Variants in ATP8B3 observed in about 807,000 individuals in gnomAD.
The protein encoded by ATP8B3 is phospholipid-transporting ATPase IK.
Under a neutral mutation model 140.9 loss-of-function variants are expected in ATP8B3, and 141 were observed. That is an observed-to-expected ratio of 1.00 (90% confidence interval 0.87 to 1.15). The LOEUF (loss-of-function observed/expected upper bound fraction) is 1.15. Among genes scored for constraint, ATP8B3 ranks in the 50% most tolerant of loss-of-function variants. ATP8B3 has a pLI of 0.00. For missense variants in ATP8B3, 1,874 were observed against 1,740.6 expected (o/e 1.08, Z -1.36); for synonymous variants, 765 against 714.6 (o/e 1.07, Z -1.13).
intron 21 of ATP8B3, among the ~76,000 whole-genome samples, chr19:1,790,292 T>C (rs1212194546): frequency 4.7e-4 from 2 of 4,222 alleles, no homozygotes; most frequent in Non-Finnish European, 8.3e-4. Flanking sequence ...CTCCCCTCCC[T>C]CTCCCCTCCC....
Position 1,782,381 on chromosome 19 carries a change from C to T in ATP8B3, c.*647G>A. On this transcript the variant is annotated 3_prime_UTR_variant, in exon 29 of 29. Transcript: ENST00000310127. ...CTGCTCCTCCCCGGGCACCAGCAGC[C>T]ACTCCATGGATGATGATGACTGCTT... The T allele has an allele frequency of 4.1e-6, 1 of 242,710 alleles. No individual in the cohort carries two copies. The highest frequency in any genetic ancestry group is 7.8e-6 in the Non-Finnish European group (1 of 127,414). The allele number at this position is 242,710 out of a possible 1,614,324, so 15.0% of individuals were successfully genotyped here.
chr19:1,789,762 T>C (rs371377776), intron 22 of ATP8B3, 35 bp from the exon 23 acceptor site: 118 of 1,541,198 alleles, frequency 7.7e-5, no homozygotes, highest in Non-Finnish European at 9.3e-5. Context: ...CCAGGCGCCG[T>C]GGCCTCCAGG....
At chr19:1,797,976 T>C (rs1026179169) in intron 14 of ATP8B3, among the ~76,000 whole-genome samples, 5 of 151,154 alleles carry the variant, frequency 3.3e-5, no homozygotes, top group Non-Finnish European at 7.4e-5. Context: ...TGGTGTCTTT[T>C]GTGTGTGTGT....
rs2069078543 is a variant in ATP8B3 at position 1,807,985 on chromosome 19, A to G, written c.516+237T>C. Among the ~76,000 whole-genome samples the G allele has an allele frequency of 6.6e-6, 1 of 152,226 alleles. No individual in the cohort carries two copies. The highest frequency in any genetic ancestry group is 2.4e-5 in the African/African-American group (1 of 41,474). On this transcript the variant is annotated intron_variant, in intron 5 of 28. Coordinates refer to ENST00000310127, the MANE Select transcript of ATP8B3 (RefSeq NM_138813.4). This position sits in a 1 kb window ranked among gnomAD's most constrained non-coding sequence, Gnocchi z 5.9. ...TGCCCAGCCCTGCCCAGCAGGAACC[A>G]GCGGGGCGTGGAGAGGGTGCCGTCA...
At position 1,805,068 on chromosome 19, in the gene ATP8B3, T is replaced by A; in HGVS notation, c.904+306A>T. The A allele has an allele frequency of 2.5e-6, 1 of 405,940 alleles. No homozygotes were observed. Among genetic ancestry groups the A allele is most frequent in the South Asian group, 2.1e-5 (1 of 48,010 alleles). 25.1% of individuals were successfully genotyped at this position (405,940 alleles called of 1,614,324 possible). A position where few individuals can be genotyped will look rare whatever the true frequency, so the allele number is the denominator to read the frequency against. ...CAGCTCACTGCAGCCTCAGCCTCCC[T>A]GAGCTCAAGCGAGCCTCCCACCTCA... On this transcript the variant is annotated intron_variant, in intron 10 of 28. Coordinates refer to ENST00000310127, the MANE Select transcript of ATP8B3 (RefSeq NM_138813.4). This position sits in a 1 kb window ranked among gnomAD's most constrained non-coding sequence, Gnocchi z 5.2.
rs1277976891 is a variant in ATP8B3 at position 1,809,697 on chromosome 19, G to A, written c.348C>T (p.Tyr116=). Residue 116 remains tyrosine, a synonymous_variant, in exon 4 of 29, where the codon TAC becomes TAT. Coordinates refer to ENST00000310127, the MANE Select transcript of ATP8B3 (RefSeq NM_138813.4). ...TWKVQANNRA[Y]NGQFKEKVIL... is the part of the protein sequence containing the mutation. ...TCACCTTCTCCTTGAACTGCCCGTT[G>A]TAGGCACGGTTGTTGGCCTGGACCT... is the stretch of plus-strand genomic sequence containing the variant. 7.4e-6 allele frequency: 12 copies of A among 1,611,570 alleles called. No individual in the cohort carries two copies. Among genetic ancestry groups the A allele is most frequent in the African/African-American group, 4.0e-5 (3 of 74,900 alleles).
rs772210386 is a variant in ATP8B3 at position 1,785,241 on chromosome 19, G to A, written c.3450C>T (p.Ser1150=). ...TAGTCATGATGGCGTAGAAACCAAG[G>A]CTGAGGAGGATGGTCGCCACGCACA... ...TALCVATILL[S]LGFYAIMTTT... Residue 1150 remains serine, a synonymous_variant, in exon 27 of 29, where the codon AGC becomes AGT. Transcript: ENST00000310127. The A allele has an allele frequency of 6.2e-6, 10 of 1,609,744 alleles. No individual in the cohort carries two copies. The African/African-American group carries it at 1.1e-4, about 17-fold the overall frequency.
At position 1,791,833 on chromosome 19, in the gene ATP8B3, CTG is replaced by C; in HGVS notation, c.2217_2218del (p.Asp739GlufsTer8). The C allele has an allele frequency of 6.2e-7, 1 of 1,611,560 alleles. No individual in the cohort carries two copies. The highest frequency in any genetic ancestry group is 1.3e-5 in the African/African-American group (1 of 75,064). On this transcript the variant is annotated frameshift_variant, in exon 20 of 29. Transcript: ENST00000310127. LOFTEE classifies it high-confidence loss of function. ...GGTTTCAGGGACACCGTCCTGGAGT[CTG>C]TCCTCGATGGCTGTGGCTCCCAGCA...
At position 1,810,210 on chromosome 19, in the gene ATP8B3, C is replaced by T. The variant is rs141686924; in HGVS notation, c.310+412G>A. ...AACCAAATGAGAATCCTAGGCAAGG[C>T]CTGACGTGCAGGTCTGGGGGCCCCA... On this transcript the variant is annotated intron_variant, in intron 3 of 28. Transcript: ENST00000310127. Among the ~76,000 whole-genome samples, 643 of 152,358 alleles carry T rather than the reference C, an allele frequency of 4.2e-3. 5 individuals are homozygous for T. Among genetic ancestry groups the T allele is most frequent in the African/African-American group, 0.013 (558 of 41,590 alleles).
At chr19:1,809,843 G>A (rs1218577994) in intron 3 of ATP8B3, 109 bp from the exon 4 acceptor site, 5 of 942,342 alleles carry the variant, frequency 5.3e-6, no homozygotes, top group African/African-American at 4.9e-5. Context: ...GCACTGGGGA[G>A]GCCCGAGATG....
rs778862868 is a variant in ATP8B3, at chr19:1,806,081, G to T, written c.750+16C>A. On this transcript the variant is annotated intron_variant, in intron 8 of 28. Transcript: ENST00000310127. The surrounding 1 kb of genome is among the most constrained non-coding windows in gnomAD (Gnocchi z 5.6). The stretch of plus-strand genomic sequence containing the variant: ...GGGCGCGTGGTTCTGGGACCTCGGG[G>T]TCAACCCCAGCTCACTGGGACGATG... 6.2e-7 allele frequency: 1 copy of T among 1,601,664 alleles called. No individual in the cohort carries two copies. The highest frequency in any genetic ancestry group is 1.1e-5 in the South Asian group (1 of 89,522).
chr19:1,808,154 CACAG>C (rs1301540081), intron 5 of ATP8B3, 64 bp downstream of exon 5: 70 of 1,316,558 alleles, frequency 5.3e-5, no homozygotes, highest in Admixed American at 3.3e-4. Context: ...CCACCCATCA[CACAG>C]ACAAACACAT....
At chr19:1,803,896 CAAAAAAAAAAA>C (rs56937286) in intron 10 of ATP8B3, among the ~76,000 whole-genome samples, 1 of 72,424 alleles carries the variant, frequency 1.4e-5, no homozygotes, top group South Asian at 5.1e-4. Flanking sequence ...GACTCTGTCT[CAAAAAAAAAAA>C]AAAAAAAAAA....
Position 1,808,270 on chromosome 19 carries a change from C to T in ATP8B3, c.468G>A (p.Gln156=), listed in dbSNP as rs1199869672. The change falls in exon 5 of 29, where the codon CAG becomes CAA. Residue 156 remains glutamine, a synonymous_variant. Transcript: ENST00000310127. ...YSFLPLNLYE[Q]FHRVSNLFFL... The stretch of plus-strand genomic sequence containing the variant: ...AGAACAGGTTGGACACGCGGTGGAA[C>T]TGCTCGTACAGGTTCAGCGGCAGGA... The T allele has an allele frequency of 6.2e-7, 1 of 1,613,082 alleles. No individual in the cohort carries two copies. The highest frequency in any genetic ancestry group is 1.3e-5 in the African/African-American group (1 of 74,930).
Position 1,811,669 on chromosome 19 carries a change from G to A in ATP8B3, c.68C>T (p.Pro23Leu), listed in dbSNP as rs779744137. ...TGAGTCACCCGTGTCCCCAGGTCCT[G>A]GTGGGGCAGGGCTTGGCTCAGGGCC... The part of the protein sequence containing the change: ...RAGPEPSPAP[P>L]GPGDTGDSDV... The change falls in exon 2 of 29, where the codon CCA becomes CTA. Residue 23 changes from proline to leucine, a missense_variant. By Grantham distance (98) the Pro-to-Leu change is moderately conservative (BLOSUM62 -3). Transcript: ENST00000310127. 1 of 1,609,658 alleles carries A rather than the reference G, an allele frequency of 6.2e-7. No homozygotes were observed. Among genetic ancestry groups the A allele is most frequent in the Non-Finnish European group, 8.5e-7 (1 of 1,179,700 alleles).
chr19:1,786,083 G>A (rs539483268), intron 25 of ATP8B3, among the ~76,000 whole-genome samples: 19 of 152,060 alleles, frequency 1.2e-4, no homozygotes, highest in Non-Finnish European at 2.1e-4. Context: ...AGTGAGCTGT[G>A]ATCGCACCAC....
At chr19:1,803,064 G>A (rs1172631834) in intron 10 of ATP8B3, among the ~76,000 whole-genome samples, 1 of 152,158 alleles carries the variant, frequency 6.6e-6, no homozygotes, top group African/African-American at 2.4e-5. Context: ...TGCAGTAGGT[G>A]CTCAATAAAT....
chr19:1,785,335 G>C, intron 26 of ATP8B3, 38 bp from the exon 27 acceptor site: 1 of 1,562,566 alleles, frequency 6.4e-7, no homozygotes, highest in Non-Finnish European at 8.7e-7. Flanking sequence ...GGGGCCTAGC[G>C]GGGCTTGCAC....
intron 24 of ATP8B3, among the ~76,000 whole-genome samples, chr19:1,787,468 C>A (rs1189873840): frequency 6.6e-6 from 1 of 152,096 alleles, no homozygotes; most frequent in Admixed American, 6.6e-5. Flanking sequence ...GTGGCTCACG[C>A]CTATAATCTC....
Sources: gnomAD v4.1 joint callset for allele counts (sites outside exome capture counted in the v4.1 genomes callset) on GRCh38, gnomAD v4.1.1 for gene constraint, Gnocchi (gnomAD v3.1) non-coding constraint, MANE v1.5 for transcripts, NCBI Gene and HGNC (gene_info 2026-07-23, HGNC 2026-07-21) for gene names.